The following ZC3H12B variants were observed in gnomAD, a reference collection of about 807,000 sequenced individuals.
ZC3H12B encodes the protein zinc finger CCCH-type containing 12B, also known as probable ribonuclease ZC3H12B.
ZC3H12B carries 7 observed loss-of-function variants against 43.9 expected under a neutral mutation model. That is an observed-to-expected ratio of 0.16 (90% CI 0.09 to 0.30). The LOEUF is 0.30. Ranked by LOEUF, ZC3H12B falls within the 10% of genes least tolerant of loss-of-function variation. The probability of loss-of-function intolerance (pLI) is 1.00; values close to 1 mark genes in which losing one functional copy is unlikely to be tolerated. For missense variants in ZC3H12B, 475 were observed against 670.2 expected (o/e 0.71, Z 3.22); for synonymous variants, 222 against 241.7 (o/e 0.92, Z 0.76).
chrX:65,391,513 G>T (rs144924700), intron 2 of ZC3H12B, among the ~76,000 whole-genome samples: 548 of 111,174 alleles, frequency 4.9e-3, no homozygotes, highest in Non-Finnish European at 7.9e-3. Context: ...AATGATGTCA[G>T]GTCCCTGGTT....
chrX:65,489,104 A>G lies in ZC3H12B; in HGVS notation c.303A>G (p.Lys101=). The G allele has an allele frequency of 8.3e-7, 1 of 1,211,812 alleles. No individual in the cohort carries two copies. The highest frequency in any genetic ancestry group is 1.1e-6 in the Non-Finnish European group (1 of 895,464). Residue 101 remains lysine (K), a synonymous_variant, in exon 1 of 5, where the codon AAA becomes AAG. Coordinates refer to ENST00000338957, the Ensembl canonical transcript of ZC3H12B. ...AGAGCAGCATTTTACAGGATGGTAA[A>G]CTTGACTTGGAGAAGGAATACCAAG... is the stretch of plus-strand genomic sequence containing the variant.
rs201297244 is a variant in ZC3H12B, at chrX:65,449,081, AAG to A, written n.408-39561_408-39560del. ...AAAGAAGGAAGGAAAGAAAGAAAGA[AAG>A]AGAAACAGAAAGAAAAGAAAATGTG... is the stretch of plus-strand genomic sequence containing the variant. On this transcript the variant is annotated intron_variant and non_coding_transcript_variant, in intron 3 of 5. Coordinates refer to the ZC3H12B transcript ENST00000617377. Among the ~76,000 whole-genome samples the A allele has an allele frequency of 7.2e-3, 786 of 109,550 alleles. 7 individuals are homozygous for A. Among genetic ancestry groups the A allele is most frequent in the African/African-American group, 0.025 (746 of 30,069 alleles).
At chrX:65,101,033 A>T in the ZC3H12B span, among the ~76,000 whole-genome samples, 2 of 112,152 alleles carry the variant, frequency 1.8e-5, no homozygotes, top group Non-Finnish European at 3.8e-5. Flanking sequence ...AATGGAAATT[A>T]TAACAAACAG....
chrX:65,205,782 C>T, the ZC3H12B span, among the ~76,000 whole-genome samples: 1 of 111,344 alleles, frequency 9.0e-6, no homozygotes. Context: ...AAAGACTCAT[C>T]CAAAAAGCTC....
intron 3 of ZC3H12B, among the ~76,000 whole-genome samples, chrX:65,418,041 A>C (rs778547100): frequency 8.9e-6 from 1 of 112,172 alleles, no homozygotes; most frequent in South Asian, 3.7e-4. Flanking sequence ...TTAGAATTTT[A>C]TGAACTAGCT....
chrX:65,130,922 T>A, the ZC3H12B span, among the ~76,000 whole-genome samples: 2 of 112,016 alleles, frequency 1.8e-5, no homozygotes, highest in Non-Finnish European at 3.8e-5. Flanking sequence ...TGCCTTTTGA[T>A]GGCCCTTGCA....
the ZC3H12B span, among the ~76,000 whole-genome samples, chrX:65,352,316 CG>C: frequency 2.6e-3 from 283 of 110,973 alleles, no homozygotes; most frequent in Non-Finnish European, 3.9e-3. Flanking sequence ...GGGCCTGTCC[CG>C]GGGGTGGGAG....
chrX:65,371,235 C>T (rs2066240640), intron 2 of ZC3H12B, among the ~76,000 whole-genome samples: 2 of 112,062 alleles, frequency 1.8e-5, no homozygotes, highest in Non-Finnish European at 3.8e-5. Flanking sequence ...GTAGAATTAG[C>T]ATAATCCTTT....
the ZC3H12B span, among the ~76,000 whole-genome samples, chrX:65,341,886 A>C: frequency 1.8e-3 from 196 of 111,452 alleles, 2 homozygotes; most frequent in African/African-American, 4.7e-3. Flanking sequence ...AATGTAAACA[A>C]GATAAATTCC....
intron 3 of ZC3H12B, among the ~76,000 whole-genome samples, chrX:65,426,598 G>A (rs1420531657): frequency 1.8e-5 from 2 of 110,360 alleles, no homozygotes; most frequent in African/African-American, 3.3e-5. Context: ...TTTTTGATGT[G>A]GGCATTTAGT....
chrX:65,244,727 C>CAAAAAAAAAAAAAAAA, the ZC3H12B span, among the ~76,000 whole-genome samples: 3 of 20,366 alleles, frequency 1.5e-4, no homozygotes, highest in African/African-American at 2.0e-4. Flanking sequence ...AATACCTTGC[C>CAAAAAAAAAAAAAAAA]AAAAAAAAAA....
At chrX:65,452,841 A>AACACACACACAC (rs111853414) in intron 3 of ZC3H12B, among the ~76,000 whole-genome samples, 1,462 of 92,224 alleles carry the variant, frequency 0.016, 43 homozygotes, top group African/African-American at 0.058. Context: ...ACTCCATCTA[A>AACACACACACAC]ACACACACAC....
At chrX:65,420,356 C>T (rs140958010) in intron 3 of ZC3H12B, among the ~76,000 whole-genome samples, 4 of 112,295 alleles carry the variant, frequency 3.6e-5, no homozygotes, top group African/African-American at 6.5e-5. Context: ...GGCTCACCCA[C>T]CTGTTGATCC....
intron 3 of ZC3H12B, chrX:65,469,494 G>A: frequency 2.7e-6 from 1 of 372,542 alleles, no homozygotes; most frequent in Non-Finnish European, 5.0e-6. Context: ...AAACAAATTG[G>A]TAAAGCTGGA....
the ZC3H12B span, among the ~76,000 whole-genome samples, chrX:65,077,565 G>A: frequency 8.9e-6 from 1 of 112,075 alleles, no homozygotes; most frequent in East Asian, 2.8e-4. Context: ...ACCTCATTGT[G>A]GGTGGAAGCT....
chrX:65,193,241 A>T, the ZC3H12B span, among the ~76,000 whole-genome samples: 5 of 110,103 alleles, frequency 4.5e-5, no homozygotes, highest in Non-Finnish European at 9.5e-5. Context: ...GGTTGACATT[A>T]GTTCTTTAAA....
At chrX:65,296,430 A>G in the ZC3H12B span, among the ~76,000 whole-genome samples, 1 of 110,765 alleles carries the variant, frequency 9.0e-6, no homozygotes, top group Non-Finnish European at 1.9e-5. Context: ...GGGTGCACCA[A>G]AATCTCAAAA....
chrX:65,506,184 C>T (rs1192846127), exon 5 of ZC3H12B: 1 of 112,188 alleles, frequency 8.9e-6, no homozygotes, highest in Non-Finnish European at 1.9e-5. Context: ...GCACAGCTAT[C>T]ATGTGTAAAA....
the ZC3H12B span, among the ~76,000 whole-genome samples, chrX:65,212,869 A>G: frequency 3.8e-5 from 4 of 105,961 alleles, no homozygotes; most frequent in South Asian, 3.9e-4. Flanking sequence ...TGTACTGGAT[A>G]GTCTGTAAAT....
Sources: allele counts gnomAD v4.1 joint callset (sites outside exome capture counted in the v4.1 genomes callset), GRCh38; gene constraint gnomAD v4.1.1; transcripts MANE v1.5; gene names NCBI Gene and HGNC (gene_info 2026-07-23, HGNC 2026-07-21).